Variants in RBFOX1 observed in about 807,000 individuals in gnomAD.
The protein encoded by RBFOX1 is RNA binding protein fox-1 homolog 1.
In RBFOX1, 8 loss-of-function variants were observed where a neutral mutation model predicts 57.7. The observed-to-expected ratio is 0.14, with a 90% CI of 0.08 to 0.25. RBFOX1 has a LOEUF of 0.25. Ranked by LOEUF, RBFOX1 falls within the 10% of genes least tolerant of loss-of-function variation. RBFOX1 has a pLI of 1.00. For synonymous variants in RBFOX1, 326 were observed against 222.4 expected, an observed-to-expected ratio of 1.47 and a Z score of -4.15; for missense variants, 611 against 548.5, an observed-to-expected ratio of 1.11 and a Z score of -1.14.
chr16:7,709,325 C>T (rs1433516926), intron 15 of RBFOX1, among the ~76,000 whole-genome samples, 194 bp downstream of exon 15: 2 of 152,176 alleles, frequency 1.3e-5, no homozygotes, highest in Admixed American at 1.3e-4. Context: ...CAATGTAGTG[C>T]ATGTAAGTTA....
chr16:7,065,679 C>T (rs1424089411), intron 4 of RBFOX1, among the ~76,000 whole-genome samples: 2 of 152,166 alleles, frequency 1.3e-5, no homozygotes, highest in East Asian at 3.9e-4. Flanking sequence ...AATTTACGCT[C>T]TCAGCAGTTT....
chr16:5,791,240 A>C (rs2054684590), intron 3 of RBFOX1, among the ~76,000 whole-genome samples: 1 of 152,142 alleles, frequency 6.6e-6, no homozygotes, highest in Non-Finnish European at 1.5e-5. Flanking sequence ...ATATTCACTA[A>C]ACTGTAGCCA....
At chr16:7,073,840 G>C (rs999155471) in intron 4 of RBFOX1, among the ~76,000 whole-genome samples, 1 of 152,076 alleles carries the variant, frequency 6.6e-6, no homozygotes, top group Non-Finnish European at 1.5e-5. Context: ...CTGGGTGACA[G>C]AGCAAGGCAT....
intron 2 of RBFOX1, among the ~76,000 whole-genome samples, chr16:5,476,249 C>T (rs2069319160): frequency 1.3e-5 from 2 of 152,074 alleles, no homozygotes; most frequent in African/African-American, 4.8e-5. Context: ...AACATCATGT[C>T]ATATACCATG....
chr16:6,049,215 C>G (rs532000850), intron 1 of RBFOX1, among the ~76,000 whole-genome samples: 2 of 152,046 alleles, frequency 1.3e-5, no homozygotes, highest in South Asian at 2.1e-4. Context: ...AGGTGCCCAC[C>G]ACCATGCCTG....
At chr16:6,805,522 C>T (rs1477908486) in intron 3 of RBFOX1, among the ~76,000 whole-genome samples, 1 of 152,002 alleles carries the variant, frequency 6.6e-6, no homozygotes, top group Non-Finnish European at 1.5e-5. Context: ...GTACATGTAC[C>T]TCTGAGCCTA....
chr16:6,927,269 C>T (rs143833101), intron 3 of RBFOX1, among the ~76,000 whole-genome samples: 472 of 151,500 alleles, frequency 3.1e-3, no homozygotes, highest in South Asian at 5.6e-3. Flanking sequence ...AGAAATTTGC[C>T]AGGTGTGGTG....
chr16:7,489,666 C>T (rs762995697), intron 4 of RBFOX1, among the ~76,000 whole-genome samples: 5 of 152,002 alleles, frequency 3.3e-5, no homozygotes, highest in African/African-American at 4.8e-5. Context: ...CAGGCACACA[C>T]CACTATGCCC....
At chr16:7,227,924 C>G (rs1182657833) in intron 4 of RBFOX1, among the ~76,000 whole-genome samples, 2 of 152,162 alleles carry the variant, frequency 1.3e-5, no homozygotes, top group African/African-American at 4.8e-5. Flanking sequence ...CAGGATTTTT[C>G]CACAGCCAGA....
chr16:6,098,925 A>C lies in RBFOX1; in HGVS notation c.-127+78933A>C, dbSNP rs112859462. Among the ~76,000 whole-genome samples the C allele has an allele frequency of 8.9e-4, 135 of 152,278 alleles. No individual in the cohort carries two copies. In the Middle Eastern group the frequency reaches 0.01, roughly 12 times the overall value. On this transcript the variant is annotated intron_variant, in intron 1 of 15. Coordinates refer to ENST00000550418, the MANE Select transcript of RBFOX1 (RefSeq NM_018723.4). Reference sequence around the variant, plus strand: ...GGGTTGAGGGATGTGGCTTCGTTGAAGGACGGCCTGGACTGCACTTCGTAA... The same window carrying C: ...GGGTTGAGGGATGTGGCTTCGTTGACGGACGGCCTGGACTGCACTTCGTAA...
chr16:6,753,119 A>C (rs970926417), intron 3 of RBFOX1, among the ~76,000 whole-genome samples: 2 of 152,194 alleles, frequency 1.3e-5, no homozygotes, highest in Admixed American at 6.6e-5. Flanking sequence ...CATCATGTAT[A>C]CTGAAACTTG....
rs551543356 is a variant in RBFOX1, at chr16:7,307,796, C to T, written c.28-210351C>T. On this transcript the variant is annotated intron_variant, in intron 4 of 15. Transcript: ENST00000550418. The stretch of plus-strand genomic sequence containing the variant: ...AGAGCATATATTTTGTGGTTGTCAA[C>T]CACTTTCAGATGGAACGGACAAGTA... 1.1e-4 allele frequency among the ~76,000 whole-genome samples: 16 copies of T among 152,278 alleles called. No individual in the cohort carries two copies. In the South Asian group the frequency reaches 2.7e-3, roughly 26 times the overall value.
chr16:5,843,504 A>G (rs79388428), intron 3 of RBFOX1, among the ~76,000 whole-genome samples: 3,638 of 152,282 alleles, frequency 0.024, 86 homozygotes, highest in African/African-American at 0.063. Flanking sequence ...CCATGGATAC[A>G]TGGAACATTC....
At chr16:5,520,020 T>G (rs1417381597) in intron 2 of RBFOX1, among the ~76,000 whole-genome samples, 1 of 152,166 alleles carries the variant, frequency 6.6e-6, no homozygotes, top group Admixed American at 6.5e-5. Flanking sequence ...AGGAGTAAAC[T>G]GATAAACGTA....
intron 13 of RBFOX1, among the ~76,000 whole-genome samples, chr16:7,666,882 G>A (rs1047710715): frequency 3.3e-5 from 5 of 152,084 alleles, no homozygotes; most frequent in African/African-American, 1.2e-4. Flanking sequence ...AAGCCCACTG[G>A]GTGCAGCGGT....
intron 3 of RBFOX1, among the ~76,000 whole-genome samples, chr16:5,764,604 C>A (rs2053711900): frequency 6.6e-6 from 1 of 152,080 alleles, no homozygotes; most frequent in Non-Finnish European, 1.5e-5. Flanking sequence ...AGGGCCCATC[C>A]CTTGCATGCT....
rs538897304 is a variant in RBFOX1, at chr16:6,780,844, T to C, written c.-16+126194T>C. On this transcript the variant is annotated intron_variant, in intron 3 of 15. Coordinates refer to ENST00000550418, the MANE Select transcript of RBFOX1 (RefSeq NM_018723.4). ...CTCATTTTTATTTGGATTATTTGGG[T>C]TGGGGTTTTGTACCAAGTTGTTTGA... Among the ~76,000 whole-genome samples the C allele has an allele frequency of 3.9e-5, 6 of 152,030 alleles. No individual in the cohort carries two copies. The East Asian group carries it at 1.2e-3, about 29-fold the overall frequency.
intron 1 of RBFOX1, among the ~76,000 whole-genome samples, chr16:5,354,661 C>G (rs1368851515): frequency 6.6e-6 from 1 of 152,254 alleles, no homozygotes; most frequent in Non-Finnish European, 1.5e-5. Context: ...TTCCAACCCT[C>G]TCTTTGTGTA....
intron 4 of RBFOX1, among the ~76,000 whole-genome samples, chr16:7,514,476 A>G (rs1054017507): frequency 6.6e-6 from 1 of 152,140 alleles, no homozygotes; most frequent in African/African-American, 2.4e-5. Context: ...TCCTGTTTTC[A>G]GGGAGCTCAC....
Sources: gnomAD v4.1 joint callset for allele counts (sites outside exome capture counted in the v4.1 genomes callset) on GRCh38, gnomAD v4.1.1 for gene constraint, MANE v1.5 for transcripts, NCBI Gene and HGNC (gene_info 2026-07-23, HGNC 2026-07-21) for gene names.